The following PGLYRP3 variants were observed in gnomAD, a reference collection of about 807,000 sequenced individuals.
The protein encoded by PGLYRP3 is peptidoglycan recognition protein I alpha.
PGLYRP3 carries 39 observed loss-of-function variants against 36.0 expected under a neutral mutation model. The observed-to-expected ratio is 1.08, with a 90% CI of 0.84 to 1.41. The LOEUF is 1.41. Among genes scored for constraint, PGLYRP3 ranks in the 40% most tolerant of loss-of-function variants. The pLI, the probability that PGLYRP3 is intolerant of heterozygous loss-of-function variation, is 0.00. For synonymous variants in PGLYRP3, 204 were observed against 172.8 expected (o/e 1.18, Z -1.42); for missense variants, 407 against 427.9 (o/e 0.95, Z 0.43).
At chr1:153,308,989 T>C (rs964674497) in intron 2 of PGLYRP3, among the ~76,000 whole-genome samples, 1 of 127,038 alleles carries the variant, frequency 7.9e-6, no homozygotes, top group Admixed American at 7.5e-5. Flanking sequence ...TGTGACATGT[T>C]GAGCTAACAC....
chr1:153,307,305 T>C, intron 2 of PGLYRP3, 38 bp from the exon 3 acceptor site: 1 of 1,544,212 alleles, frequency 6.5e-7, no homozygotes, highest in Non-Finnish European at 8.8e-7. Flanking sequence ...TAGCAGGCCC[T>C]GCCCATCTTC....
intron 2 of PGLYRP3, among the ~76,000 whole-genome samples, chr1:153,309,771 G>A (rs1158315691): frequency 2.0e-5 from 3 of 152,288 alleles, no homozygotes; most frequent in African/African-American, 2.4e-5. Flanking sequence ...AGAGCAGCCC[G>A]CAGGCCAACA....
chr1:153,302,293 T>TGG, intron 6 of PGLYRP3, 116 bp downstream of exon 6: 4 of 1,167,746 alleles, frequency 3.4e-6, no homozygotes, highest in Non-Finnish European at 4.9e-6. Flanking sequence ...ATATGATGCC[T>TGG]TATGGAAACC....
In PGLYRP3 at chr1:153,305,144, G is replaced by A. The variant is rs2101519703; in HGVS notation, c.258-79C>T. 17 of 1,181,288 alleles carry A rather than the reference G, an allele frequency of 1.4e-5. No homozygotes were observed. In the South Asian group the frequency reaches 2.3e-4, roughly 16 times the overall value. 73.2% of individuals were successfully genotyped at this position (1,181,288 alleles called of 1,614,324 possible). ...TCACTGATCCTCAAAAGGAAAAGGG[G>A]TTCTGGAGGCTCATAAGTAAGTACT... On this transcript the variant is annotated intron_variant, in intron 3 of 7. Coordinates refer to ENST00000683862, the MANE Select transcript of PGLYRP3 (RefSeq NM_052891.3).
chr1:153,303,559 C>A (rs1571103146), intron 5 of PGLYRP3, among the ~76,000 whole-genome samples: 1 of 152,194 alleles, frequency 6.6e-6, no homozygotes, highest in East Asian at 1.9e-4. Context: ...TTGTTCACAG[C>A]TGTATGCTCA....
At position 153,307,073 on chromosome 1, in the gene PGLYRP3, C is replaced by A. The variant is rs76148921; in HGVS notation, c.250G>T (p.Ala84Ser). Residue 84 changes from alanine (A) to serine (S), a missense_variant, in exon 3 of 8, where the codon GCG (alanine) becomes TCG (serine). Physicochemically the swap from Ala to Ser is moderately conservative, Grantham distance 99 (BLOSUM62 1). Coordinates refer to ENST00000683862, the MANE Select transcript of PGLYRP3 (RefSeq NM_052891.3). ...SVYTIGWCDVAYNFLVGDDGR... is the reference protein window; with the variant it reads ...SVYTIGWCDVSYNFLVGDDGR... The stretch of plus-strand genomic sequence containing the variant: ...ACTTGGCTAGCCTCTTACTTGTACG[C>A]CACGTCGCACCAGCCTATGGTGTAG... 1 of 1,613,542 alleles carries A rather than the reference C, an allele frequency of 6.2e-7. No individual in the cohort carries two copies. The highest frequency in any genetic ancestry group is 2.2e-5 in the East Asian group (1 of 44,866).
chr1:153,299,719 C>T (rs2101509612), intron 6 of PGLYRP3, among the ~76,000 whole-genome samples: 1 of 152,278 alleles, frequency 6.6e-6, no homozygotes, highest in East Asian at 1.9e-4. Context: ...ACAATCATTG[C>T]CACAGCTTCA....
At position 153,297,585 on chromosome 1, in the gene PGLYRP3, A is replaced by AAAGAAAGAAAGAAAG. The variant is rs1557805510; in HGVS notation, c.*356_*370dup. Among the ~76,000 whole-genome samples, 22 of 48,524 alleles carry AAAGAAAGAAAGAAAG rather than the reference A, an allele frequency of 4.5e-4. No homozygotes were observed. Among genetic ancestry groups the AAAGAAAGAAAGAAAG allele is most frequent in the Admixed American group, 1.1e-3 (7 of 6,136 alleles). The allele number at this position is 48,524 out of a possible 152,430, so 31.8% of individuals were successfully genotyped here. A position where few individuals can be genotyped will look rare whatever the true frequency, so the allele number is the denominator to read the frequency against. ...AAAAAGAAAGAAAGAAAGAAAGAAGAAAGAAAGAAAGAAAGAAAGAGAAAG... is the reference window on the plus strand; with the variant it reads ...AAAAAGAAAGAAAGAAAGAAAGAAGAAAGAAAGAAAGAAAGAAGAAAGAAAGAAAGAAAGAGAAAG... On this transcript the variant is annotated 3_prime_UTR_variant, in exon 8 of 8. Coordinates refer to ENST00000683862, the MANE Select transcript of PGLYRP3 (RefSeq NM_052891.3).
chr1:153,308,634 G>A, intron 2 of PGLYRP3, among the ~76,000 whole-genome samples: 1 of 152,198 alleles, frequency 6.6e-6, no homozygotes, highest in East Asian at 1.9e-4. Context: ...AGAGAGCACT[G>A]GTGCATTGGT....
chr1:153,299,100 G>A lies in PGLYRP3; in HGVS notation c.847+13C>T, dbSNP rs1659522440. The A allele has an allele frequency of 3.1e-6, 5 of 1,606,954 alleles. No homozygotes were observed. Among genetic ancestry groups the A allele is most frequent in the Non-Finnish European group, 4.3e-6 (5 of 1,173,682 alleles). Reference sequence around the variant, plus strand: ...AACCCCCAGCACCCCTCTACCCCATGCTCACCCCTTACCTACAAAGTAGCC... The same window carrying A: ...AACCCCCAGCACCCCTCTACCCCATACTCACCCCTTACCTACAAAGTAGCC... On this transcript the variant is annotated intron_variant, in intron 7 of 7. Transcript: ENST00000683862.
At chr1:153,312,040 A>T (rs1659907378) in intron 1 of PGLYRP3, among the ~76,000 whole-genome samples, 2 of 152,338 alleles carry the variant, frequency 1.3e-5, no homozygotes. Flanking sequence ...GCCTCCTGCA[A>T]AGCTACTGGA....
At chr1:153,304,844 GT>G in intron 4 of PGLYRP3, 102 bp downstream of exon 4, 1 of 801,674 alleles carries the variant, frequency 1.2e-6, no homozygotes, top group Non-Finnish European at 2.0e-6. Flanking sequence ...ATCAGAGAAG[GT>G]AAGTATGATG....
At position 153,299,202 on chromosome 1, in the gene PGLYRP3, T is replaced by A; in HGVS notation, c.758A>T (p.Tyr253Phe). The A allele has an allele frequency of 6.2e-7, 1 of 1,613,942 alleles. No homozygotes were observed. The highest frequency in any genetic ancestry group is 1.3e-5 in the African/African-American group (1 of 74,964). The change falls in exon 7 of 8, where the codon TAT (tyrosine) becomes TTT (phenylalanine). Residue 253 changes from tyrosine to phenylalanine, a missense_variant. Tyr to Phe is a conservative substitution (Grantham distance 22). Transcript: ENST00000683862. ...HFLVGQDGGVYEGVGWHIQGS... is the reference protein window; with the variant it reads ...HFLVGQDGGVFEGVGWHIQGS... ...TTGGATGTGCCATCCAACCCCTTCA[T>A]ACACGCCACCATCCTGGCCCACCAG... is the stretch of plus-strand genomic sequence containing the variant.
In PGLYRP3 at chr1:153,298,130, C is replaced by A. The variant is rs1425979881; in HGVS notation, c.852G>T (p.Lys284Asn). 1.9e-6 allele frequency: 3 copies of A among 1,613,552 alleles called. No individual in the cohort carries two copies. The African/African-American group carries it at 4.0e-5, about 22-fold the overall frequency. ...GIAFIGYFVE[K>N]PPNAAALEAA... is the part of the protein sequence containing the mutation. ...CCTCCAGCGCTGCAGCATTTGGAGG[C>A]TTTTCTGCAAAACACATTTTCCCCA... The change falls in exon 8 of 8, where the codon AAG (lysine) becomes AAT (asparagine). Residue 284 changes from lysine (K) to asparagine (N), a missense_variant. Coordinates refer to ENST00000683862, the MANE Select transcript of PGLYRP3 (RefSeq NM_052891.3).
rs114450863 is a variant in PGLYRP3, at chr1:153,307,100, C to T, written c.223G>A (p.Val75Ile). Residue 75 changes from valine to isoleucine, a missense_variant, in exon 3 of 8, where the codon GTC becomes ATC. By Grantham distance (29) the Val-to-Ile change is conservative (BLOSUM62 3). Coordinates refer to ENST00000683862, the MANE Select transcript of PGLYRP3 (RefSeq NM_052891.3). ...ACGTCGCACCAGCCTATGGTGTAGA[C>T]GGAATGGGACTGCAACCCCCGCAGC... Reference protein sequence around the residue: ...QMLRGLQSHSVYTIGWCDVAY... With the variant: ...QMLRGLQSHSIYTIGWCDVAY... 3.0e-3 allele frequency: 4,763 copies of T among 1,613,640 alleles called. 11 individuals are homozygous for T. Among genetic ancestry groups the T allele is most frequent in the Middle Eastern group, 3.3e-3 (20 of 6,060 alleles).
At chr1:153,298,703 C>CT (rs1385135204) in intron 7 of PGLYRP3, among the ~76,000 whole-genome samples, 1 of 152,124 alleles carries the variant, frequency 6.6e-6, no homozygotes, top group East Asian at 1.9e-4. Context: ...CAACACACCA[C>CT]TTCTGAGCAG....
Position 153,297,973 on chromosome 1 carries a change from G to T in PGLYRP3, c.1009C>A (p.Pro337Thr). 6.2e-7 allele frequency: 1 copy of T among 1,613,926 alleles called. No individual in the cohort carries two copies. The highest frequency in any genetic ancestry group is 8.5e-7 in the Non-Finnish European group (1 of 1,179,964). ...QALYNIISTW[P>T]HFKH ...GGCCTCCTTCAGTGCTTGAAATGAG[G>T]CCAGGTGCTGATGATGTTATACAAA... Residue 337 changes from proline (P) to threonine (T), a missense_variant, in exon 8 of 8, where the codon CCT (proline) becomes ACT (threonine). By Grantham distance (38) the Pro-to-Thr change is conservative. Coordinates refer to ENST00000683862, the MANE Select transcript of PGLYRP3 (RefSeq NM_052891.3).
At chr1:153,306,181 T>C (rs1659735095) in intron 3 of PGLYRP3, among the ~76,000 whole-genome samples, 1 of 152,224 alleles carries the variant, frequency 6.6e-6, no homozygotes, top group Non-Finnish European at 1.5e-5. Flanking sequence ...CAGCTGCTCT[T>C]ATTTATTTGT....
chr1:153,299,764 CCTT>C (rs1433439498), intron 6 of PGLYRP3, among the ~76,000 whole-genome samples: 1 of 152,174 alleles, frequency 6.6e-6, no homozygotes, highest in Non-Finnish European at 1.5e-5. Flanking sequence ...AGCAAACCCA[CCTT>C]CTTCTAAAAT....
Sources: gnomAD v4.1 joint callset for allele counts (sites outside exome capture counted in the v4.1 genomes callset) on GRCh38, gnomAD v4.1.1 for gene constraint, MANE v1.5 for transcripts, NCBI Gene and HGNC (gene_info 2026-07-23, HGNC 2026-07-21) for gene names.